Variants in ZC3H3 observed in about 807,000 individuals in gnomAD.
The protein encoded by ZC3H3 is zinc finger CCCH-type containing 3, also known as zinc finger CCCH domain-containing protein 3.
ZC3H3 carries 36 observed loss-of-function variants against 77.3 expected under a neutral mutation model. That is an observed-to-expected ratio of 0.47 (90% CI 0.36 to 0.61). ZC3H3 has a LOEUF of 0.61. Among genes scored for constraint, ZC3H3 ranks in the 20% least tolerant of loss-of-function variants. The probability of loss-of-function intolerance (pLI) is 0.00; values close to 1 mark genes in which losing one functional copy is unlikely to be tolerated. For missense variants in ZC3H3, 1,331 were observed against 1,312.2 expected, an observed-to-expected ratio of 1.01 and a Z score of -0.22; for synonymous variants, 626 against 555.2, an observed-to-expected ratio of 1.13 and a Z score of -1.79.
chr8:143,514,651 C>G (rs763105996), intron 3 of ZC3H3, among the ~76,000 whole-genome samples: 2 of 152,212 alleles, frequency 1.3e-5, no homozygotes, highest in Non-Finnish European at 2.9e-5. Context: ...CGCGCCCCCT[C>G]AGGCCCTCGA....
intron 4 of ZC3H3, among the ~76,000 whole-genome samples, chr8:143,501,229 C>A (rs1042782162): frequency 6.6e-6 from 1 of 152,062 alleles, no homozygotes; most frequent in African/African-American, 2.4e-5. Context: ...GAGACAGGGT[C>A]TTGATCTGTC....
At chr8:143,443,362 T>G (rs1446027575) in intron 9 of ZC3H3, among the ~76,000 whole-genome samples, 1 of 130,108 alleles carries the variant, frequency 7.7e-6, no homozygotes, top group Non-Finnish European at 1.7e-5. Flanking sequence ...TGGAAGAAAA[T>G]ATACAAGGAA....
chr8:143,533,770 G>T lies in ZC3H3; in HGVS notation c.1561+2487C>A, dbSNP rs181480871. On this transcript the variant is annotated intron_variant, in intron 3 of 11. Coordinates refer to ENST00000262577, the MANE Select transcript of ZC3H3 (RefSeq NM_015117.3). The surrounding 1 kb of genome is among the most constrained non-coding windows in gnomAD (Gnocchi z 4.0). Reference sequence around the variant, plus strand: ...GGCACGATCTAACCTCTGCCTCCTGGGTTCAAGTGATTCTCCTGCCTCAGC... The same window carrying T: ...GGCACGATCTAACCTCTGCCTCCTGTGTTCAAGTGATTCTCCTGCCTCAGC... Among the ~76,000 whole-genome samples, 285 of 151,768 alleles carry T rather than the reference G, an allele frequency of 1.9e-3. No homozygotes were observed. Among genetic ancestry groups the T allele is most frequent in the African/African-American group, 6.2e-3 (256 of 41,330 alleles).
chr8:143,463,351 G>A (rs976426937), intron 9 of ZC3H3, among the ~76,000 whole-genome samples: 1 of 152,318 alleles, frequency 6.6e-6, no homozygotes, highest in African/African-American at 2.4e-5. Flanking sequence ...GCCGGGTGCT[G>A]GGAGCATCTG....
intron 9 of ZC3H3, among the ~76,000 whole-genome samples, chr8:143,459,016 A>C (rs1820190693): frequency 6.6e-6 from 1 of 152,260 alleles, no homozygotes; most frequent in Admixed American, 6.5e-5. Flanking sequence ...GCACAGGACC[A>C]GACGGCTTCA....
Position 143,523,480 on chromosome 8 carries a change from T to G in ZC3H3, c.1561+12777A>C, listed in dbSNP as rs529605179. ...AGCCATCTTGGAAGACACTCCCCGC[T>G]GCAAGCTCCATGTGGCCCTACAGAC... is the stretch of plus-strand genomic sequence containing the variant. On this transcript the variant is annotated intron_variant, in intron 3 of 11. Coordinates refer to ENST00000262577, the MANE Select transcript of ZC3H3 (RefSeq NM_015117.3). 41 of 985,412 alleles carry G rather than the reference T, an allele frequency of 4.2e-5. No homozygotes were observed. In the South Asian group the frequency reaches 1.8e-3, roughly 44 times the overall value. 61.0% of individuals were successfully genotyped at this position (985,412 alleles called of 1,614,324 possible). A position where few individuals can be genotyped will look rare whatever the true frequency, so the allele number is the denominator to read the frequency against.
intron 3 of ZC3H3, among the ~76,000 whole-genome samples, chr8:143,508,434 T>C (rs963362477): frequency 1.3e-5 from 2 of 152,240 alleles, no homozygotes; most frequent in Non-Finnish European, 2.9e-5. Context: ...GACAGACTTA[T>C]GTACTTAGTC....
intron 9 of ZC3H3, among the ~76,000 whole-genome samples, chr8:143,442,659 G>T (rs1819777615): frequency 6.6e-6 from 1 of 152,264 alleles, no homozygotes; most frequent in African/African-American, 2.4e-5. Context: ...GCCCGGCTGA[G>T]ATGTCCAGAG....
At chr8:143,499,064 C>T (rs573968236) in intron 4 of ZC3H3, among the ~76,000 whole-genome samples, 6 of 152,236 alleles carry the variant, frequency 3.9e-5, no homozygotes, top group South Asian at 2.1e-4. Context: ...GCCGAAACCA[C>T]GCAAGCCGCA....
rs1450649514 is a variant in ZC3H3 at position 143,465,776 on chromosome 8, A to G, written c.2248T>C (p.Ser750Pro). The change falls in exon 9 of 12, where the codon TCC (serine) becomes CCC (proline). Residue 750 changes from serine to proline, a missense_variant. Coordinates refer to ENST00000262577, the MANE Select transcript of ZC3H3 (RefSeq NM_015117.3). ...SNCPYSHVYVSRKAEVCSDFL... is the reference protein window; with the variant it reads ...SNCPYSHVYVPRKAEVCSDFL... ...TCGCTGCAGACCTCGGCCTTGCGGGACACGTACACGTGGCTATAGGGACAG... is the reference window on the plus strand; with the variant it reads ...TCGCTGCAGACCTCGGCCTTGCGGGGCACGTACACGTGGCTATAGGGACAG... 2 of 1,613,744 alleles carry G rather than the reference A, an allele frequency of 1.2e-6. No homozygotes were observed. The highest frequency in any genetic ancestry group is 1.7e-6 in the Non-Finnish European group (2 of 1,180,004).
In ZC3H3 at chr8:143,468,463, T is replaced by C; in HGVS notation, c.2024A>G (p.Tyr675Cys). The change falls in exon 7 of 12, where the codon TAC becomes TGC. Residue 675 changes from tyrosine to cysteine, a missense_variant. Tyr to Cys is a radical substitution (Grantham distance 194, BLOSUM62 -2). Around this residue, in one of 3 missense-constraint regions of ZC3H3, gnomAD observed 104 missense variants for 159.7 expected, o/e 0.65. Transcript: ENST00000262577. ...GTTGCACCTGCCGAAGCGGTTGTAG[T>C]ACATGCAGTACTCCTTCCTCTTCTC... ...RREKRKEYCMYYNRFGRCNRG... is the reference protein window; with the variant it reads ...RREKRKEYCMCYNRFGRCNRG... 6.2e-7 allele frequency: 1 copy of C among 1,609,822 alleles called. No homozygotes were observed. The highest frequency in any genetic ancestry group is 8.5e-7 in the Non-Finnish European group (1 of 1,178,744).
Position 143,538,630 on chromosome 8 carries a change from T to C in ZC3H3, c.737A>G (p.Lys246Arg). The change falls in exon 2 of 12, where the codon AAG becomes AGG. Residue 246 changes from lysine (K) to arginine (R), a missense_variant. Lys to Arg is a conservative substitution (Grantham distance 26). Transcript: ENST00000262577. ...PPRTGVALGR[K>R]LGSHSVASCA... is the part of the protein sequence containing the mutation. ...GCTGGCCACGGAATGAGAACCCAGCTTCCGGCCCAGGGCCACGCCAGTGCG... is the reference window on the plus strand; with the variant it reads ...GCTGGCCACGGAATGAGAACCCAGCCTCCGGCCCAGGGCCACGCCAGTGCG... 4 of 1,609,206 alleles carry C rather than the reference T, an allele frequency of 2.5e-6. No homozygotes were observed. In the South Asian group the frequency reaches 4.4e-5, roughly 18 times the overall value.
intron 9 of ZC3H3, among the ~76,000 whole-genome samples, chr8:143,442,441 G>A (rs57124723): frequency 7.9e-6 from 1 of 126,374 alleles, no homozygotes; most frequent in African/African-American, 2.9e-5. Context: ...CCGGGGGGGG[G>A]GGGGGGCAGG....
intron 9 of ZC3H3, among the ~76,000 whole-genome samples, chr8:143,461,878 G>A (rs987324694): frequency 6.6e-6 from 1 of 152,044 alleles, no homozygotes; most frequent in Admixed American, 6.5e-5. Flanking sequence ...CTGCGCTGTG[G>A]TGCAGCTGTA....
intron 5 of ZC3H3, among the ~76,000 whole-genome samples, chr8:143,473,354 T>C (rs977377722): frequency 6.6e-6 from 1 of 152,152 alleles, no homozygotes; most frequent in African/African-American, 2.4e-5. Flanking sequence ...GAGAAAGGCC[T>C]CCCTGACCAC....
At chr8:143,479,093 G>A (rs919852417) in intron 4 of ZC3H3, among the ~76,000 whole-genome samples, 3 of 152,362 alleles carry the variant, frequency 2.0e-5, no homozygotes, top group African/African-American at 4.8e-5. Flanking sequence ...TAGCCCAAGA[G>A]CCTCATTCCG....
At chr8:143,539,710 C>T (rs1255997697) in intron 1 of ZC3H3, among the ~76,000 whole-genome samples, 2 of 152,178 alleles carry the variant, frequency 1.3e-5, no homozygotes, top group African/African-American at 2.4e-5. Context: ...GACAAGTGGC[C>T]GCACAGGCCC....
In ZC3H3 at chr8:143,533,164, A is replaced by G. The variant is rs968178225; in HGVS notation, c.1561+3093T>C. On this transcript the variant is annotated intron_variant, in intron 3 of 11. Coordinates refer to ENST00000262577, the MANE Select transcript of ZC3H3 (RefSeq NM_015117.3). The surrounding 1 kb of genome is among the most constrained non-coding windows in gnomAD (Gnocchi z 4.0). ...AACCCCCCGTTCCCTCCTGTGGCCT[A>G]CAAGACCCTTTCCCAGGACCTGGTC... Among the ~76,000 whole-genome samples the G allele has an allele frequency of 6.6e-6, 1 of 151,884 alleles. No individual in the cohort carries two copies. Among genetic ancestry groups the G allele is most frequent in the African/African-American group, 2.4e-5 (1 of 41,352 alleles).
intron 4 of ZC3H3, among the ~76,000 whole-genome samples, chr8:143,482,982 C>T (rs1379455902): frequency 6.6e-6 from 1 of 152,226 alleles, no homozygotes; most frequent in East Asian, 1.9e-4. Context: ...GACCCAGCAG[C>T]CCCTGGCCAG....
Sources: allele counts gnomAD v4.1 joint callset (sites outside exome capture counted in the v4.1 genomes callset), GRCh38; gene constraint gnomAD v4.1.1; regional missense constraint gnomAD v4.1.1; non-coding constraint Gnocchi (gnomAD v3.1); transcripts MANE v1.5; gene names NCBI Gene and HGNC (gene_info 2026-07-23, HGNC 2026-07-21).